ANKFN1: variants seen among roughly 807,000 people sequenced by gnomAD.
The protein encoded by ANKFN1 is ankyrin repeat and fibronectin type-III domain-containing protein 1.
A neutral mutation model predicts 108.7 loss-of-function variants in ANKFN1; 74 were observed. That is an observed-to-expected ratio of 0.68 (90% confidence interval 0.56 to 0.83). The LOEUF (loss-of-function observed/expected upper bound fraction) is 0.83. ANKFN1 is among the 40% of genes least tolerant of loss of function. ANKFN1 has a pLI of 0.00. For missense variants in ANKFN1, 1,505 were observed against 1,382.3 expected, an observed-to-expected ratio of 1.09 and a Z score of -1.41; for synonymous variants, 547 against 516.2, an observed-to-expected ratio of 1.06 and a Z score of -0.81.
chr17:56,240,720 A>G (rs535893032), intron 3 of ANKFN1, among the ~76,000 whole-genome samples: 2 of 152,222 alleles, frequency 1.3e-5, no homozygotes, highest in African/African-American at 4.8e-5. Flanking sequence ...ATTTTTCTTC[A>G]ATATGATGGG....
intron 1 of ANKFN1, among the ~76,000 whole-genome samples, chr17:56,171,878 G>A (rs1237361137): frequency 6.6e-6 from 1 of 152,128 alleles, no homozygotes; most frequent in Non-Finnish European, 1.5e-5. Flanking sequence ...GCTAGCAAAA[G>A]AATCAAGGAA....
chr17:56,413,796 T>C (rs2048162357), intron 8 of ANKFN1, among the ~76,000 whole-genome samples: 1 of 152,106 alleles, frequency 6.6e-6, no homozygotes, highest in Admixed American at 6.6e-5. Context: ...CTCAGCTCAC[T>C]GTAACCTCTG....
At position 56,514,356 on chromosome 17, in the gene ANKFN1, C is replaced by T. The variant is rs114359535; in HGVS notation, c.*3087C>T. Reference sequence around the variant, plus strand: ...AGAATGTAGCCATACATTCACCATACATCTTCTCAACAATCTCTTAGAAGA... The same window carrying T: ...AGAATGTAGCCATACATTCACCATATATCTTCTCAACAATCTCTTAGAAGA... On this transcript the variant is annotated 3_prime_UTR_variant, in exon 21 of 21. Transcript: ENST00000682825. 9.2e-5 allele frequency among the ~76,000 whole-genome samples: 14 copies of T among 152,334 alleles called. No individual in the cohort carries two copies. Among genetic ancestry groups the T allele is most frequent in the African/African-American group, 3.1e-4 (13 of 41,580 alleles).
intron 14 of ANKFN1, among the ~76,000 whole-genome samples, chr17:56,465,989 A>G (rs924632506): frequency 6.6e-6 from 1 of 152,118 alleles, no homozygotes; most frequent in African/African-American, 2.4e-5. Flanking sequence ...AATATCAGAC[A>G]TTTTTCTTTA....
At position 56,440,839 on chromosome 17, in the gene ANKFN1, T is replaced by C. The variant is rs541266234; in HGVS notation, c.1008+415T>C. On this transcript the variant is annotated intron_variant, in intron 9 of 20. Coordinates refer to ENST00000682825, the MANE Select transcript of ANKFN1 (RefSeq NM_001370326.1). ...AGCCTCGGTTGAGATCAGTCATCAATTGCAGTCACATAATTTCCTGAGAGA... is the reference window on the plus strand; with the variant it reads ...AGCCTCGGTTGAGATCAGTCATCAACTGCAGTCACATAATTTCCTGAGAGA... Among the ~76,000 whole-genome samples, 4 of 152,200 alleles carry C rather than the reference T, an allele frequency of 2.6e-5. No individual in the cohort carries two copies. The South Asian group carries it at 8.3e-4, about 32-fold the overall frequency.
intron 20 of ANKFN1, among the ~76,000 whole-genome samples, chr17:56,509,148 C>G (rs944882149): frequency 2.0e-5 from 3 of 152,208 alleles, no homozygotes; most frequent in African/African-American, 7.2e-5. Flanking sequence ...ATTCCATATA[C>G]AGATGCGCCA....
At chr17:56,443,503 T>C (rs2049182953) in intron 10 of ANKFN1, among the ~76,000 whole-genome samples, 2 of 152,072 alleles carry the variant, frequency 1.3e-5, no homozygotes, top group Non-Finnish European at 2.9e-5. Context: ...GTACATACAG[T>C]CCATTGTAGC....
At chr17:56,425,873 G>A (rs1598587647) in intron 8 of ANKFN1, among the ~76,000 whole-genome samples, 2 of 152,274 alleles carry the variant, frequency 1.3e-5, no homozygotes, top group African/African-American at 4.8e-5. Flanking sequence ...TACTGTTACT[G>A]TCTGTAGGAT....
chr17:56,515,220 G>A lies in ANKFN1; in HGVS notation c.*3951G>A, dbSNP rs2051885839. On this transcript the variant is annotated 3_prime_UTR_variant, in exon 21 of 21. Transcript: ENST00000682825. Reference sequence around the variant, plus strand: ...TTCTACAGCTCTCTCAACTTCGTATGTAGCAGAGCTACAGCAAAGAGTGTG... The same window carrying A: ...TTCTACAGCTCTCTCAACTTCGTATATAGCAGAGCTACAGCAAAGAGTGTG... 6.6e-6 allele frequency among the ~76,000 whole-genome samples: 1 copy of A among 152,156 alleles called. No individual in the cohort carries two copies. Among genetic ancestry groups the A allele is most frequent in the Non-Finnish European group, 1.5e-5 (1 of 68,028 alleles).
intron 1 of ANKFN1, among the ~76,000 whole-genome samples, chr17:56,188,581 G>GTGTGTGTATATA (rs1212242378): frequency 8.3e-4 from 41 of 49,644 alleles, no homozygotes; most frequent in Admixed American, 2.5e-3. Flanking sequence ...GTGTGTGTGT[G>GTGTGTGTATATA]TATATATATA....
chr17:56,504,229 A>T (rs1428989178), intron 20 of ANKFN1, among the ~76,000 whole-genome samples: 1 of 152,188 alleles, frequency 6.6e-6, no homozygotes, highest in Non-Finnish European at 1.5e-5. Context: ...TGAACCAAGG[A>T]GATAATATTT....
upstream of ANKFN1, among the ~76,000 whole-genome samples, chr17:56,149,896 A>G (rs1908492761): frequency 6.6e-6 from 1 of 152,198 alleles, no homozygotes; most frequent in South Asian, 2.1e-4. Context: ...CAGGGTTGGA[A>G]GGAAGCCTTT....
chr17:56,309,144 G>A (rs1340926500), intron 3 of ANKFN1, among the ~76,000 whole-genome samples: 1 of 152,084 alleles, frequency 6.6e-6, no homozygotes, highest in Non-Finnish European at 1.5e-5. Context: ...TTTTTGGAAC[G>A]TTTGGTAGAA....
chr17:56,170,801 T>TACACAC (rs1224594065), intron 1 of ANKFN1, among the ~76,000 whole-genome samples: 1 of 64,206 alleles, frequency 1.6e-5, no homozygotes, highest in Non-Finnish European at 3.5e-5. Context: ...TATATATATA[T>TACACAC]ATATATACAC....
At chr17:56,469,682 A>G (rs139969900) in intron 15 of ANKFN1, among the ~76,000 whole-genome samples, 1 of 152,330 alleles carries the variant, frequency 6.6e-6, no homozygotes, top group East Asian at 1.9e-4. Context: ...TAGGGTTCTA[A>G]TGAAGATAGG....
intron 4 of ANKFN1, 42 bp from the exon 5 acceptor site, chr17:56,350,724 T>C (rs772103045): frequency 3.3e-6 from 5 of 1,536,734 alleles, no homozygotes; most frequent in Admixed American, 3.4e-5. Context: ...AACTTATAAT[T>C]TGTGGTGTAA....
intron 3 of ANKFN1, among the ~76,000 whole-genome samples, chr17:56,248,998 T>C (rs2043177413): frequency 6.6e-6 from 1 of 152,172 alleles, no homozygotes; most frequent in African/African-American, 2.4e-5. Flanking sequence ...AGGAGAACAC[T>C]GTCATGTGGA....
At chr17:56,210,325 T>C (rs1914888880) in intron 1 of ANKFN1, among the ~76,000 whole-genome samples, 1 of 152,238 alleles carries the variant, frequency 6.6e-6, no homozygotes, top group Admixed American at 6.5e-5. Context: ...CACTTTTCCA[T>C]GGTGATTGCA....
In ANKFN1 at chr17:56,466,411, G is replaced by C. The variant is rs149688029; in HGVS notation, c.1613G>C (p.Arg538Pro). The change falls in exon 15 of 21, where the codon CGA becomes CCA. Residue 538 changes from arginine to proline, a missense_variant. Arg to Pro is a moderately radical substitution (Grantham distance 103). Transcript: ENST00000682825. Reference protein sequence around the residue: ...GRVYYEPIKDRHGNILIVTIR... With the variant: ...GRVYYEPIKDPHGNILIVTIR... ...GTTTACTATGAGCCCATTAAAGATC[G>C]ACATGGAAACATACTCATAGTCACC... The C allele has an allele frequency of 6.2e-7, 1 of 1,613,972 alleles. No individual in the cohort carries two copies. Among genetic ancestry groups the C allele is most frequent in the African/African-American group, 1.3e-5 (1 of 74,900 alleles).
Sources: gnomAD v4.1 joint callset for allele counts (sites outside exome capture counted in the v4.1 genomes callset) on GRCh38, gnomAD v4.1.1 for gene constraint, MANE v1.5 for transcripts, NCBI Gene and HGNC (gene_info 2026-07-23, HGNC 2026-07-21) for gene names.